The following BRINP2 variants were observed in gnomAD, a reference collection of about 807,000 sequenced individuals.
The protein encoded by BRINP2 is BMP/retinoic acid inducible neural specific 2, also known as BMP/retinoic acid-inducible neural-specific protein 2.
A neutral mutation model predicts 69.2 loss-of-function variants in BRINP2; 21 were observed. That is an observed-to-expected ratio of 0.30 (90% CI 0.22 to 0.44). The LOEUF (loss-of-function observed/expected upper bound fraction) is 0.44. BRINP2 is among the 20% of genes least tolerant of loss of function. BRINP2 has a pLI of 1.00. For synonymous variants in BRINP2, 380 were observed against 394.1 expected (o/e 0.96, Z 0.42); for missense variants, 877 against 986.0 (o/e 0.89, Z 1.48).
At chr1:177,270,560 G>T (rs1236744549) in intron 4 of BRINP2, among the ~76,000 whole-genome samples, 1 of 152,078 alleles carries the variant, frequency 6.6e-6, no homozygotes, top group Non-Finnish European at 1.5e-5. Context: ...TGGGGGGAAA[G>T]GAAAGCTCCT....
intron 4 of BRINP2, among the ~76,000 whole-genome samples, chr1:177,257,650 C>T (rs1484136315): frequency 2.6e-5 from 4 of 152,144 alleles, no homozygotes; most frequent in African/African-American, 9.7e-5. Context: ...AGAGGTTGCA[C>T]TCTGGTGGAG....
rs893220586 is a variant in BRINP2, at chr1:177,229,798, C to T, written c.-76-3C>T. ...AATGACAATGCCTTTTGTACTTTTC[C>T]AGCTCCGAGCCCTGGAGGAGCAGCA... On this transcript the variant is annotated splice_polypyrimidine_tract_variant and splice_region_variant and intron_variant, in intron 1 of 7. Coordinates refer to ENST00000361539, the MANE Select transcript of BRINP2 (RefSeq NM_021165.4). The T allele has an allele frequency of 2.0e-6, 3 of 1,499,942 alleles. No individual in the cohort carries two copies. The highest frequency in any genetic ancestry group is 2.7e-6 in the Non-Finnish European group (3 of 1,122,142). The allele number at this position is 1,499,942 out of a possible 1,614,324, so 92.9% of individuals were successfully genotyped here. A position where few individuals can be genotyped will look rare whatever the true frequency, so the allele number is the denominator to read the frequency against.
intron 1 of BRINP2, among the ~76,000 whole-genome samples, chr1:177,226,259 A>G (rs539432216): frequency 4.7e-4 from 72 of 152,222 alleles, no homozygotes; most frequent in Non-Finnish European, 7.8e-4. Flanking sequence ...AGTAGCTCAC[A>G]ATGACCCCAC....
At chr1:177,274,257 T>A (rs1651424219) in intron 5 of BRINP2, among the ~76,000 whole-genome samples, 1 of 152,230 alleles carries the variant, frequency 6.6e-6, no homozygotes, top group African/African-American at 2.4e-5. Flanking sequence ...CGTGCATCTC[T>A]TGCTGTCTGT....
intron 3 of BRINP2, 41 bp from the exon 4 acceptor site, chr1:177,257,135 A>G (rs756273906): frequency 1.9e-6 from 3 of 1,609,312 alleles, no homozygotes; most frequent in Admixed American, 1.7e-5. Context: ...GGGATTCGAG[A>G]GCAGAGAGCG....
At position 177,242,789 on chromosome 1, in the gene BRINP2, G is replaced by A. The variant is rs74127730; in HGVS notation, c.269+12644G>A. ...TCTGCCACACATAAGGGCATAATAA[G>A]AGGATGAAACCATTCAGTAGGAGTA... On this transcript the variant is annotated intron_variant, in intron 2 of 7. Transcript: ENST00000361539. Among the ~76,000 whole-genome samples, 299 of 152,298 alleles carry A rather than the reference G, an allele frequency of 2.0e-3. 2 individuals carry two copies. The highest frequency in any genetic ancestry group is 7.0e-3 in the African/African-American group (291 of 41,570).
chr1:177,258,852 A>C (rs952501007), intron 4 of BRINP2, among the ~76,000 whole-genome samples: 2 of 152,208 alleles, frequency 1.3e-5, no homozygotes. Context: ...TGACTGGTCC[A>C]CCAACTGGCT....
rs143024397 is a variant in BRINP2 at position 177,244,634 on chromosome 1, C to G, written c.270-11285C>G. 2.2e-4 allele frequency among the ~76,000 whole-genome samples: 34 copies of G among 151,916 alleles called. 1 individual carries two copies. The East Asian group carries it at 5.2e-3, about 23-fold the overall frequency. ...TGGGTGAAAAAGTGAGACTCCATCT[C>G]AAAAAAATAAAATAAAAACGAAATT... On this transcript the variant is annotated intron_variant, in intron 2 of 7. Transcript: ENST00000361539.
chr1:177,188,608 G>A (rs1648500152), intron 1 of BRINP2, among the ~76,000 whole-genome samples: 1 of 151,996 alleles, frequency 6.6e-6, no homozygotes, highest in Non-Finnish European at 1.5e-5. Flanking sequence ...TCCATGGAGT[G>A]GAAAATTAAT....
At position 177,278,776 on chromosome 1, in the gene BRINP2, C is replaced by T. The variant is rs766797619; in HGVS notation, c.1226C>T (p.Pro409Leu). 2 of 1,613,928 alleles carry T rather than the reference C, an allele frequency of 1.2e-6. No homozygotes were observed. Among genetic ancestry groups the T allele is most frequent in the Non-Finnish European group, 1.7e-6 (2 of 1,180,024 alleles). The change falls in exon 7 of 8, where the codon CCC (proline) becomes CTC (leucine). Residue 409 changes from proline (P) to leucine (L), a missense_variant. By Grantham distance (98) the Pro-to-Leu change is moderately conservative. Coordinates refer to ENST00000361539, the MANE Select transcript of BRINP2 (RefSeq NM_021165.4). ...CATCGCCAGCCTCGCTTCCGCCTGC[C>T]CAAGGAGAGGTGAGCACCCCCTGGC... ...RCHRQPRFRL[P>L]KERSLSYWWN...
chr1:177,270,688 G>A (rs1184591484), intron 4 of BRINP2, among the ~76,000 whole-genome samples: 2 of 152,128 alleles, frequency 1.3e-5, no homozygotes, highest in East Asian at 3.9e-4. Context: ...AGGAGTAAGT[G>A]GATGGAAAAG....
chr1:177,202,345 A>T (rs1648938468), intron 1 of BRINP2, among the ~76,000 whole-genome samples: 1 of 152,190 alleles, frequency 6.6e-6, no homozygotes, highest in Non-Finnish European at 1.5e-5. Context: ...ATTTAGTGCT[A>T]TAAATTTCCC....
chr1:177,221,781 TCAGGTGGAAATTAAC>T (rs1015726847), intron 1 of BRINP2, among the ~76,000 whole-genome samples: 1 of 152,080 alleles, frequency 6.6e-6, no homozygotes, highest in African/African-American at 2.4e-5. Flanking sequence ...CAGGACACGA[TCAGGTGGAAATTAAC>T]CAGGGAACAG....
intron 2 of BRINP2, among the ~76,000 whole-genome samples, chr1:177,246,080 C>T (rs1650368299): frequency 6.6e-6 from 1 of 152,164 alleles, no homozygotes; most frequent in Non-Finnish European, 1.5e-5. Flanking sequence ...AGATGGAGAG[C>T]ACCAGGACAT....
intron 5 of BRINP2, among the ~76,000 whole-genome samples, chr1:177,275,964 C>G (rs1571949317): frequency 6.6e-6 from 1 of 152,186 alleles, no homozygotes; most frequent in African/African-American, 2.4e-5. Flanking sequence ...TTTAGCTAAG[C>G]CTTGGGCTTT....
At chr1:177,182,440 C>A (rs564997353) in intron 1 of BRINP2, among the ~76,000 whole-genome samples, 18 of 152,094 alleles carry the variant, frequency 1.2e-4, no homozygotes, top group Non-Finnish European at 2.4e-4. Flanking sequence ...GAATTGTAGG[C>A]CCTTCAAAAC....
intron 1 of BRINP2, among the ~76,000 whole-genome samples, chr1:177,177,888 CA>C (rs1466520144): frequency 3.3e-5 from 5 of 152,160 alleles, no homozygotes; most frequent in Non-Finnish European, 7.4e-5. Context: ...TTGACATCAC[CA>C]AGATTAAAAT....
At chr1:177,175,924 G>A (rs1324952967) in intron 1 of BRINP2, among the ~76,000 whole-genome samples, 1 of 152,212 alleles carries the variant, frequency 6.6e-6, no homozygotes, top group Non-Finnish European at 1.5e-5. Context: ...AGGGCATGTG[G>A]TTAAGGGTTG....
At chr1:177,223,998 T>C (rs1405739269) in intron 1 of BRINP2, among the ~76,000 whole-genome samples, 1 of 152,134 alleles carries the variant, frequency 6.6e-6, no homozygotes, top group Non-Finnish European at 1.5e-5. Context: ...TTAGTCTCTG[T>C]TGAAGTTGAC....
Sources: gnomAD v4.1 joint callset for allele counts (sites outside exome capture counted in the v4.1 genomes callset) on GRCh38, gnomAD v4.1.1 for gene constraint, MANE v1.5 for transcripts, NCBI Gene and HGNC (gene_info 2026-07-23, HGNC 2026-07-21) for gene names.